KCNN4: variants seen among roughly 807,000 people sequenced by gnomAD.
The protein encoded by KCNN4 is potassium calcium-activated channel subfamily N member 4.
Under a neutral mutation model 45.2 loss-of-function variants are expected in KCNN4, and 31 were observed. The ratio of observed to expected loss-of-function variants is 0.69; its 90% CI spans 0.52 to 0.92. KCNN4 has a LOEUF of 0.92. Among genes scored for constraint, KCNN4 ranks in the 40% least tolerant of loss-of-function variants. The pLI is 0.00. For synonymous variants in KCNN4, 231 were observed against 254.6 expected, an observed-to-expected ratio of 0.91 and a Z score of 0.88; for missense variants, 463 against 574.0, an observed-to-expected ratio of 0.81 and a Z score of 1.98.
At chr19:43,775,677 G>A (rs1038131271) in intron 2 of KCNN4, among the ~76,000 whole-genome samples, 1 of 152,156 alleles carries the variant, frequency 6.6e-6, no homozygotes, top group Non-Finnish European at 1.5e-5. Context: ...GGGAAGAGGG[G>A]AAAGGGAATG....
At position 43,776,546 on chromosome 19, in the gene KCNN4, C is replaced by A. The variant is rs1188749415; in HGVS notation, c.250G>T (p.Val84Phe). Residue 84 changes from valine (V) to phenylalanine (F), a missense_variant, in exon 2 of 9, where the codon GTC becomes TTC. By Grantham distance (50) the Val-to-Phe change is conservative. This residue lies in a region of KCNN4 where 225 missense variants were observed against 240.9 expected (regional missense o/e 0.93). Transcript: ENST00000648319. ...AGGGGCGGGGCCTGCCCTACCTGGA[C>A]CTCTTTGGCATGAAAGGCCACGATG... ...CLIVAFHAKE[V>F]QLFMTDNGLR... 1 of 1,610,570 alleles carries A rather than the reference C, an allele frequency of 6.2e-7. No individual in the cohort carries two copies. The highest frequency in any genetic ancestry group is 2.2e-5 in the East Asian group (1 of 44,872).
rs192135566 is a variant in KCNN4 at position 43,769,598 on chromosome 19, C to T, written c.931-38G>A. 8.4e-4 allele frequency: 1,335 copies of T among 1,598,008 alleles called. No homozygotes were observed. Among genetic ancestry groups the T allele is most frequent in the Non-Finnish European group, 1.1e-3 (1,257 of 1,165,356 alleles). ...GGCACAGTGTCCGTGGAGATAGACC[C>T]TTACGGTTCTGGGAAGGCAGGGCTA... On this transcript the variant is annotated intron_variant, in intron 5 of 8. Coordinates refer to ENST00000648319, the MANE Select transcript of KCNN4 (RefSeq NM_002250.3). The surrounding 1 kb of genome is among the most constrained non-coding windows in gnomAD (Gnocchi z 4.4).
At position 43,780,967 on chromosome 19, in the gene KCNN4, T is replaced by G; in HGVS notation, c.-106A>C. The G allele has an allele frequency of 8.7e-7, 1 of 1,149,198 alleles. No homozygotes were observed. The highest frequency in any genetic ancestry group is 1.3e-6 in the Non-Finnish European group (1 of 797,936). 71.2% of individuals were successfully genotyped at this position (1,149,198 alleles called of 1,614,324 possible). On this transcript the variant is annotated 5_prime_UTR_variant, in exon 1 of 9. Transcript: ENST00000648319. ...CTTGCAGGTCGTCAGCCTGCTCTGC[T>G]GGCTCTGGGACTTTTGCTCTGAGGC...
At chr19:43,780,184 G>C (rs71362671) in intron 1 of KCNN4, among the ~76,000 whole-genome samples, 18 of 152,020 alleles carry the variant, frequency 1.2e-4, no homozygotes, top group Non-Finnish European at 2.2e-4. Context: ...TGGCCTCCAG[G>C]GGTCCTGGAC....
At position 43,769,087 on chromosome 19, in the gene KCNN4, T is replaced by C. The variant is rs1187178236; in HGVS notation, c.1050-55A>G. On this transcript the variant is annotated intron_variant, in intron 6 of 8. Transcript: ENST00000648319. The surrounding 1 kb of genome is among the most constrained non-coding windows in gnomAD (Gnocchi z 4.4). The stretch of plus-strand genomic sequence containing the variant: ...CAAGCCTGGTCCCTGAATGTAGCTG[T>C]AGCTCAGGGGAGGAATGAAGGGAGG... The C allele has an allele frequency of 7.1e-6, 11 of 1,553,130 alleles. No individual in the cohort carries two copies. Among genetic ancestry groups the C allele is most frequent in the Non-Finnish European group, 9.8e-6 (11 of 1,124,862 alleles).
chr19:43,770,758 G>T (rs925349305), intron 4 of KCNN4, among the ~76,000 whole-genome samples: 1 of 152,176 alleles, frequency 6.6e-6, no homozygotes, highest in African/African-American at 2.4e-5. Flanking sequence ...TATGTGCTCC[G>T]GAAAAGTAAG....
rs1450751716 is a variant in KCNN4 at position 43,772,538 on chromosome 19, AT to A, written c.684-404del. Reference sequence around the variant, plus strand: ...TACATCCACCCAGAGGAAGGGGTATATTTTTCTAATTTCCACAAAGATGCTG... The same window carrying A: ...TACATCCACCCAGAGGAAGGGGTATATTTTCTAATTTCCACAAAGATGCTG... On this transcript the variant is annotated intron_variant, in intron 3 of 8. Coordinates refer to ENST00000648319, the MANE Select transcript of KCNN4 (RefSeq NM_002250.3). This position sits in a 1 kb window ranked among gnomAD's most constrained non-coding sequence, Gnocchi z 4.4. Among the ~76,000 whole-genome samples, 1 of 152,066 alleles carries A rather than the reference AT, an allele frequency of 6.6e-6. No individual in the cohort carries two copies. The highest frequency in any genetic ancestry group is 1.5e-5 in the Non-Finnish European group (1 of 68,012).
chr19:43,776,834 A>C, intron 1 of KCNN4, 198 bp from the exon 2 acceptor site: 1 of 566,082 alleles, frequency 1.8e-6, no homozygotes, highest in South Asian at 2.0e-5. Flanking sequence ...GCGGTGGCTC[A>C]CACCTGTAAT....
At position 43,769,889 on chromosome 19, in the gene KCNN4, G is replaced by A. The variant is rs2306799; in HGVS notation, c.820-60C>T. 0.19 allele frequency: 227,259 copies of A among 1,173,166 alleles called. 22,746 individuals are homozygous for A. Among genetic ancestry groups the A allele is most frequent in the African/African-American group, 0.22 (14,263 of 66,272 alleles). 72.7% of individuals were successfully genotyped at this position (1,173,166 alleles called of 1,614,324 possible). On this transcript the variant is annotated intron_variant, in intron 4 of 8. Transcript: ENST00000648319. This position sits in a 1 kb window ranked among gnomAD's most constrained non-coding sequence, Gnocchi z 4.4. The stretch of plus-strand genomic sequence containing the variant: ...TGCCACCGACTCCCTCCTTGAACCC[G>A]CCCAACAGCCACAGACGGTAGGCAC...
chr19:43,779,767 C>T (rs1430156963), intron 1 of KCNN4, among the ~76,000 whole-genome samples: 1 of 152,104 alleles, frequency 6.6e-6, no homozygotes, highest in African/African-American at 2.4e-5. Context: ...GCAATCAAAA[C>T]CCCCTTCTCC....
chr19:43,768,189 T>A (rs888663802), intron 7 of KCNN4, among the ~76,000 whole-genome samples: 2 of 152,238 alleles, frequency 1.3e-5, no homozygotes, highest in Non-Finnish European at 2.9e-5. Flanking sequence ...CCTTCAGAAA[T>A]TACCACCTGC....
chr19:43,780,455 AC>A (rs1476939747), intron 1 of KCNN4, among the ~76,000 whole-genome samples: 27 of 36,242 alleles, frequency 7.4e-4, no homozygotes, highest in African/African-American at 2.5e-3. Flanking sequence ...AGGAGTCCTG[AC>A]CCCCAGCCCC....
chr19:43,769,396 G>A lies in KCNN4; in HGVS notation c.1049+46C>T, dbSNP rs1489434184. On this transcript the variant is annotated intron_variant, in intron 6 of 8. Coordinates refer to ENST00000648319, the MANE Select transcript of KCNN4 (RefSeq NM_002250.3). This position sits in a 1 kb window ranked among gnomAD's most constrained non-coding sequence, Gnocchi z 4.4. ...ACACAGCCGTGCAGAGAGGTGACTT[G>A]GACATGGGTGCACATGGACACGTGT... The A allele has an allele frequency of 1.4e-6, 2 of 1,473,934 alleles. No individual in the cohort carries two copies. The highest frequency in any genetic ancestry group is 1.9e-6 in the Non-Finnish European group (2 of 1,055,636). 91.3% of individuals were successfully genotyped at this position (1,473,934 alleles called of 1,614,324 possible).
rs149503455 is a variant in KCNN4 at position 43,769,442 on chromosome 19, G to A, written c.1049C>T (p.Ala350Val). Residue 350 changes from alanine to valine, a missense_variant and splice_region_variant, in exon 6 of 9, where the codon GCG becomes GTG. Physicochemically the swap from Ala to Val is moderately conservative, Grantham distance 64. Transcript: ENST00000648319. This position sits in a 1 kb window ranked among gnomAD's most constrained non-coding sequence, Gnocchi z 4.4. ...CGTGTGCATACAAAGCGGCCCTCAC[G>A]CGTTGATGGCGGCCAGCAGCTTGCG... ...HQRKLLAAIN[A>V]FRQVRLKHRK... is the part of the protein sequence containing the mutation. 20 of 1,612,652 alleles carry A rather than the reference G, an allele frequency of 1.2e-5. No individual in the cohort carries two copies. Among genetic ancestry groups the A allele is most frequent in the South Asian group, 4.4e-5 (4 of 91,060 alleles).
In KCNN4 at chr19:43,769,633, C is replaced by A; in HGVS notation, c.931-73G>T. 1 of 1,567,302 alleles carries A rather than the reference C, an allele frequency of 6.4e-7. No homozygotes were observed. The highest frequency in any genetic ancestry group is 8.8e-7 in the Non-Finnish European group (1 of 1,138,118). ...TGGGAAGGCAGGGCTAGGGCTGGGACTCTTGGGTCCTAGGGGAAGCAGGGG... is the reference window on the plus strand; with the variant it reads ...TGGGAAGGCAGGGCTAGGGCTGGGAATCTTGGGTCCTAGGGGAAGCAGGGG... On this transcript the variant is annotated intron_variant, in intron 5 of 8. Coordinates refer to ENST00000648319, the MANE Select transcript of KCNN4 (RefSeq NM_002250.3). This position sits in a 1 kb window ranked among gnomAD's most constrained non-coding sequence, Gnocchi z 4.4.
chr19:43,774,254 C>CA lies in KCNN4; in HGVS notation c.620dup (p.Leu208AlafsTer25). 6.2e-7 allele frequency: 1 copy of CA among 1,613,012 alleles called. No individual in the cohort carries two copies. Among genetic ancestry groups the CA allele is most frequent in the Non-Finnish European group, 8.5e-7 (1 of 1,179,566 alleles). ...AGAGGCCAAGCGTGAGGCCGAGCAG[C>CA]AGGCGGCCAGGGTGCGTGTTCATGT... On this transcript the variant is annotated frameshift_variant, in exon 3 of 9. Coordinates refer to ENST00000648319, the MANE Select transcript of KCNN4 (RefSeq NM_002250.3). LOFTEE classifies it high-confidence loss of function. The surrounding 1 kb of genome is among the most constrained non-coding windows in gnomAD (Gnocchi z 5.6).
intron 1 of KCNN4, among the ~76,000 whole-genome samples, chr19:43,778,288 G>A (rs1219264334): frequency 6.6e-6 from 1 of 152,038 alleles, no homozygotes; most frequent in East Asian, 1.9e-4. Context: ...CACCCAGGCT[G>A]GAGTGCAGTG....
chr19:43,771,834 T>C (rs1009025165), intron 4 of KCNN4, among the ~76,000 whole-genome samples, 166 bp downstream of exon 4: 43 of 151,946 alleles, frequency 2.8e-4, no homozygotes, highest in African/African-American at 9.4e-4. Context: ...TACAGGTGAG[T>C]ATCTTGTTCT....
At position 43,780,829 on chromosome 19, in the gene KCNN4, G is replaced by A. The variant is rs748943725; in HGVS notation, c.33C>T (p.Ala11=). 6.2e-7 allele frequency: 1 copy of A among 1,614,012 alleles called. No individual in the cohort carries two copies. The highest frequency in any genetic ancestry group is 2.2e-5 in the East Asian group (1 of 44,856). MGGDLVLGLG[A]LRRRKRLLEQ... ...CCAGCAAGCGCTTTCGGCGTCTCAA[G>A]GCCCCCAGGCCAAGCACCAGATCCC... Residue 11 remains alanine (A), a synonymous_variant, in exon 1 of 9, where the codon GCC becomes GCT. Transcript: ENST00000648319.
Sources: gnomAD v4.1 joint callset for allele counts (sites outside exome capture counted in the v4.1 genomes callset) on GRCh38, gnomAD v4.1.1 for gene constraint, gnomAD v4.1.1 regional missense constraint, Gnocchi (gnomAD v3.1) non-coding constraint, MANE v1.5 for transcripts, NCBI Gene and HGNC (gene_info 2026-07-23, HGNC 2026-07-21) for gene names.